YTHDF1: variants seen among roughly 807,000 people sequenced by gnomAD.
YTHDF1 encodes YTH domain-containing family protein 1.
A neutral mutation model predicts 49.1 loss-of-function variants in YTHDF1; 16 were observed. That is an observed-to-expected ratio of 0.33 (90% confidence interval 0.22 to 0.49). YTHDF1 has a LOEUF of 0.49. YTHDF1 is among the 20% of genes least tolerant of loss of function. The pLI is 0.99. For synonymous variants in YTHDF1, 313 were observed against 290.1 expected, an observed-to-expected ratio of 1.08 and a Z score of -0.80; for missense variants, 621 against 744.3, an observed-to-expected ratio of 0.83 and a Z score of 1.93.
Position 63,203,655 on chromosome 20 carries a change from T to C in YTHDF1, c.285A>G (p.Gly95=), listed in dbSNP as rs779595944. 1 of 1,614,132 alleles carries C rather than the reference T, an allele frequency of 6.2e-7. No individual in the cohort carries two copies. The highest frequency in any genetic ancestry group is 8.5e-7 in the Non-Finnish European group (1 of 1,180,032). The change falls in exon 4 of 5, where the codon GGA becomes GGG. Residue 95 remains glycine (G), a synonymous_variant. Transcript: ENST00000370339. This position sits in a 1 kb window ranked among gnomAD's most constrained non-coding sequence, Gnocchi z 4.4. Reference sequence around the variant, plus strand: ...CAGCATCGTGCATAAAATGATGGTCTCCGTTACTGAGCTGTCCGTAGGTGG... The same window carrying C: ...CAGCATCGTGCATAAAATGATGGTCCCCGTTACTGAGCTGTCCGTAGGTGG... ...YLTTYGQLSN[G]DHHFMHDAVF...
At chr20:63,215,432 A>G (rs1198842323) in intron 2 of YTHDF1, 145 bp downstream of exon 2, 1 of 1,094,010 alleles carries the variant, frequency 9.1e-7, no homozygotes, top group Non-Finnish European at 1.3e-6. Flanking sequence ...CAAATCTCCC[A>G]GAATCGTCGC....
chr20:63,203,360 C>T lies in YTHDF1; in HGVS notation c.580G>A (p.Asp194Asn). The T allele has an allele frequency of 6.2e-7, 1 of 1,613,076 alleles. No individual in the cohort carries two copies. Among genetic ancestry groups the T allele is most frequent in the Non-Finnish European group, 8.5e-7 (1 of 1,179,740 alleles). Residue 194 changes from aspartate to asparagine, a missense_variant, in exon 4 of 5, where the codon GAC (aspartate) becomes AAC (asparagine). Physicochemically the swap from Asp to Asn is conservative, Grantham distance 23. Coordinates refer to ENST00000370339, the MANE Select transcript of YTHDF1 (RefSeq NM_017798.4). The surrounding 1 kb of genome is among the most constrained non-coding windows in gnomAD (Gnocchi z 4.4). The stretch of plus-strand genomic sequence containing the variant: ...GTCTTGACGGCGGAGGAGCTGACGT[C>T]CCCAATCTTCAGGCCAACCATGCCC... ...EQGMVGLKIGDVSSSAVKTVG... is the reference protein window; with the variant it reads ...EQGMVGLKIGNVSSSAVKTVG...
chr20:63,196,929 C>G (rs1442189927), intron 4 of YTHDF1, among the ~76,000 whole-genome samples, 195 bp from the exon 5 acceptor site: 1 of 152,208 alleles, frequency 6.6e-6, no homozygotes, highest in African/African-American at 2.4e-5. Flanking sequence ...CCACACTGGG[C>G]ATGGCATTCT....
rs2122977401 is a variant in YTHDF1, at chr20:63,202,990, T to C, written c.950A>G (p.Tyr317Cys). 6.2e-7 allele frequency: 1 copy of C among 1,613,216 alleles called. No individual in the cohort carries two copies. Among genetic ancestry groups the C allele is most frequent in the Non-Finnish European group, 8.5e-7 (1 of 1,179,858 alleles). Reference sequence around the variant, plus strand: ...CTGGGGTGGCTGCTGAGGGCTCTGATACTGCGGTTGAGCCAAAGCTGGGGG... The same window carrying C: ...CTGGGGTGGCTGCTGAGGGCTCTGACACTGCGGTTGAGCCAAAGCTGGGGG... ...AQPPALAQPQYQSPQQPPQTR... is the reference protein window; with the variant it reads ...AQPPALAQPQCQSPQQPPQTR... The change falls in exon 4 of 5, where the codon TAT (tyrosine) becomes TGT (cysteine). Residue 317 changes from tyrosine to cysteine, a missense_variant. Around this residue, in one of 2 missense-constraint regions of YTHDF1, gnomAD observed 470 missense variants for 495.8 expected, o/e 0.95. Transcript: ENST00000370339.
chr20:63,202,201 G>A (rs1172835382), intron 4 of YTHDF1, 86 bp downstream of exon 4: 4 of 1,500,036 alleles, frequency 2.7e-6, no homozygotes, highest in African/African-American at 2.8e-5. Context: ...CGGACCTGCC[G>A]CATCTGCTCA....
intron 3 of YTHDF1, among the ~76,000 whole-genome samples, chr20:63,204,941 C>T (rs373727412): frequency 2.6e-5 from 4 of 151,968 alleles, no homozygotes; most frequent in Admixed American, 1.3e-4. Flanking sequence ...GCCGGTGAGA[C>T]GGGGTCCAGT....
At chr20:63,198,909 G>GT (rs1354667672) in intron 4 of YTHDF1, among the ~76,000 whole-genome samples, 1 of 152,140 alleles carries the variant, frequency 6.6e-6, no homozygotes, top group African/African-American at 2.4e-5. Context: ...CCGTTTCTAG[G>GT]TTTTTTTAAA....
chr20:63,201,963 G>C (rs1363965172), intron 4 of YTHDF1, among the ~76,000 whole-genome samples: 1 of 152,224 alleles, frequency 6.6e-6, no homozygotes, highest in Admixed American at 6.5e-5. Context: ...AAGGAGAGGA[G>C]AAAGTTACCC....
At chr20:63,198,151 G>A (rs554853066) in intron 4 of YTHDF1, among the ~76,000 whole-genome samples, 6 of 152,156 alleles carry the variant, frequency 3.9e-5, no homozygotes, top group African/African-American at 1.4e-4. Context: ...TCTCTTCCCA[G>A]GCTGGGTGTG....
chr20:63,198,836 G>A (rs2066504404), intron 4 of YTHDF1, among the ~76,000 whole-genome samples: 1 of 152,208 alleles, frequency 6.6e-6, no homozygotes, highest in Non-Finnish European at 1.5e-5. Flanking sequence ...TCAGTCTGAG[G>A]AACTAAGCAA....
chr20:63,198,809 C>T (rs566034153), intron 4 of YTHDF1, among the ~76,000 whole-genome samples: 2 of 152,284 alleles, frequency 1.3e-5, no homozygotes, highest in Admixed American at 6.5e-5. Context: ...GGGCACCTGC[C>T]GCCAGGGCAA....
chr20:63,202,887 A>C lies in YTHDF1; in HGVS notation c.1053T>G (p.Pro351=). 1 of 1,613,960 alleles carries C rather than the reference A, an allele frequency of 6.2e-7. No individual in the cohort carries two copies. Among genetic ancestry groups the C allele is most frequent in the Non-Finnish European group, 8.5e-7 (1 of 1,180,058 alleles). The change falls in exon 4 of 5, where the codon CCT becomes CCG. Residue 351 remains proline (P), a synonymous_variant. Transcript: ENST00000370339. ...SGGAGSDSNS[P]GNVQPNSAPS... ...GGGCAGAATTAGGCTGGACGTTTCC[A>C]GGAGAGTTGCTATCGCTGCCAGCCC... is the stretch of plus-strand genomic sequence containing the variant.
intron 3 of YTHDF1, among the ~76,000 whole-genome samples, chr20:63,208,270 ATAAT>A (rs1217714478): frequency 6.6e-6 from 1 of 152,194 alleles, no homozygotes; most frequent in Non-Finnish European, 1.5e-5. Flanking sequence ...ACAAAACAAA[ATAAT>A]TAATTATGTA....
chr20:63,201,529 C>A (rs964168353), intron 4 of YTHDF1, among the ~76,000 whole-genome samples: 1 of 152,172 alleles, frequency 6.6e-6, no homozygotes, highest in Non-Finnish European at 1.5e-5. Context: ...CACTCAATCC[C>A]GTCAGACATC....
At chr20:63,207,704 A>G (rs982437110) in intron 3 of YTHDF1, among the ~76,000 whole-genome samples, 2 of 151,758 alleles carry the variant, frequency 1.3e-5, no homozygotes, top group Admixed American at 1.3e-4. Flanking sequence ...GACCTCATCG[A>G]AGAAAGGCTA....
Position 63,211,960 on chromosome 20 carries a change from TACACACACACACACACACACACACAC to T in YTHDF1, c.132+1878_132+1903del, listed in dbSNP as rs57357558. On this transcript the variant is annotated intron_variant, in intron 3 of 4. Coordinates refer to ENST00000370339, the MANE Select transcript of YTHDF1 (RefSeq NM_017798.4). ...TAACAGCAGGACCCTGTCTCCAAAA[TACACACACACACACACACACACACAC>T]ACACACACACACACACACACACTTT... is the stretch of plus-strand genomic sequence containing the variant. 4.9e-5 allele frequency among the ~76,000 whole-genome samples: 7 copies of T among 143,834 alleles called. No individual in the cohort carries two copies. The East Asian group carries it at 8.2e-4, about 17-fold the overall frequency. 94.4% of individuals were successfully genotyped at this position (143,834 alleles called of 152,430 possible). A position where few individuals can be genotyped will look rare whatever the true frequency, so the allele number is the denominator to read the frequency against.
intron 3 of YTHDF1, among the ~76,000 whole-genome samples, chr20:63,207,171 G>A (rs1290609833): frequency 6.6e-6 from 1 of 152,178 alleles, no homozygotes; most frequent in East Asian, 1.9e-4. Context: ...ACTTCTCAGG[G>A]ATACAGCTGC....
chr20:63,202,004 T>C (rs1396024968), intron 4 of YTHDF1, among the ~76,000 whole-genome samples: 1 of 152,254 alleles, frequency 6.6e-6, no homozygotes, highest in African/African-American at 2.4e-5. Flanking sequence ...AAACAGAATG[T>C]GTACACTGTG....
In YTHDF1 at chr20:63,202,658, T is replaced by C. The variant is rs754103693; in HGVS notation, c.1282A>G (p.Met428Val). 20 of 1,613,828 alleles carry C rather than the reference T, an allele frequency of 1.2e-5. No homozygotes were observed. The Admixed American group carries it at 1.7e-4, about 13-fold the overall frequency. The change falls in exon 4 of 5, where the codon ATG (methionine) becomes GTG (valine). Residue 428 changes from methionine (M) to valine (V), a missense_variant. By Grantham distance (21) the Met-to-Val change is conservative (BLOSUM62 1). Coordinates refer to ENST00000370339, the MANE Select transcript of YTHDF1 (RefSeq NM_017798.4). Reference sequence around the variant, plus strand: ...AGGTAGACGGGCCCCTTGCTGCTCATGCAGCGGAAGGCGCTGTCCAGGCGC... The same window carrying C: ...AGGTAGACGGGCCCCTTGCTGCTCACGCAGCGGAAGGCGCTGTCCAGGCGC... Reference protein sequence around the residue: ...NKRLDSAFRCMSSKGPVYLLF... With the variant: ...NKRLDSAFRCVSSKGPVYLLF...
Sources: gnomAD v4.1 joint callset for allele counts (sites outside exome capture counted in the v4.1 genomes callset) on GRCh38, gnomAD v4.1.1 for gene constraint, gnomAD v4.1.1 regional missense constraint, Gnocchi (gnomAD v3.1) non-coding constraint, MANE v1.5 for transcripts, NCBI Gene and HGNC (gene_info 2026-07-23, HGNC 2026-07-21) for gene names.